The following SCHIP1 variants were observed in gnomAD, a reference collection of about 807,000 sequenced individuals.
The protein encoded by SCHIP1 is schwannomin interacting protein 1.
A neutral mutation model predicts 29.7 loss-of-function variants in SCHIP1; 8 were observed. That is an observed-to-expected ratio of 0.27 (90% CI 0.16 to 0.49). The LOEUF (loss-of-function observed/expected upper bound fraction) is 0.49, where lower values mean the gene tolerates loss of function less well. Ranked by LOEUF, SCHIP1 falls within the 20% of genes least tolerant of loss-of-function variation. The probability of loss-of-function intolerance (pLI) is 0.99; values close to 1 mark genes in which losing one functional copy is unlikely to be tolerated. For synonymous variants in SCHIP1, 76 were observed against 94.9 expected (o/e 0.80, Z 1.16); for missense variants, 193 against 294.6 (o/e 0.66, Z 2.52).
chr3:159,689,418 G>A, the SCHIP1 span, among the ~76,000 whole-genome samples: 1 of 152,158 alleles, frequency 6.6e-6, no homozygotes, highest in Non-Finnish European at 1.5e-5. Context: ...TGATGTATAG[G>A]AATGCTTGTG....
At chr3:159,507,630 A>ATGG in the SCHIP1 span, among the ~76,000 whole-genome samples, 2 of 152,178 alleles carry the variant, frequency 1.3e-5, no homozygotes, top group African/African-American at 4.8e-5. Flanking sequence ...TATTATTTTG[A>ATGG]GATACATCCC....
chr3:159,425,763 C>A, the SCHIP1 span, among the ~76,000 whole-genome samples: 21 of 152,194 alleles, frequency 1.4e-4, 1 homozygote, highest in Admixed American at 1.1e-3. Flanking sequence ...CACACCACAC[C>A]TATTCCAAAA....
chr3:159,523,834 A>G, the SCHIP1 span, among the ~76,000 whole-genome samples: 1 of 152,226 alleles, frequency 6.6e-6, no homozygotes, highest in African/African-American at 2.4e-5. Context: ...ACACAATGTA[A>G]CACACACTCC....
the SCHIP1 span, among the ~76,000 whole-genome samples, chr3:159,513,068 T>A: frequency 1.3e-5 from 2 of 152,254 alleles, no homozygotes; most frequent in East Asian, 3.8e-4. Context: ...TTCAGAATCA[T>A]ACAATAAGGT....
At chr3:159,777,738 G>A in the SCHIP1 span, among the ~76,000 whole-genome samples, 1 of 152,270 alleles carries the variant, frequency 6.6e-6, no homozygotes, top group Admixed American at 6.5e-5. Flanking sequence ...CCAAGGTGTG[G>A]TGGTGAGTCT....
At chr3:159,771,288 A>T in the SCHIP1 span, among the ~76,000 whole-genome samples, 1 of 152,254 alleles carries the variant, frequency 6.6e-6, no homozygotes, top group African/African-American at 2.4e-5. Flanking sequence ...CTATGTTTAA[A>T]TTACACAAGT....
chr3:159,620,891 C>G, the SCHIP1 span, among the ~76,000 whole-genome samples: 1 of 152,238 alleles, frequency 6.6e-6, no homozygotes, highest in South Asian at 2.1e-4. Flanking sequence ...CTTCTCATGG[C>G]ATCCCTTAAA....
the SCHIP1 span, among the ~76,000 whole-genome samples, chr3:159,400,378 T>C: frequency 6.6e-6 from 1 of 152,330 alleles, no homozygotes; most frequent in East Asian, 1.9e-4. Flanking sequence ...AACAGAGTGA[T>C]GTATTGAATA....
the SCHIP1 span, among the ~76,000 whole-genome samples, chr3:159,430,986 A>G: frequency 6.6e-6 from 1 of 152,214 alleles, no homozygotes; most frequent in African/African-American, 2.4e-5. Context: ...GTTGAAGCCA[A>G]CATGTCCAAG....
chr3:159,306,643 G>A, the SCHIP1 span: 34 of 678,364 alleles, frequency 5.0e-5, no homozygotes, highest in Non-Finnish European at 5.6e-5. Context: ...TTCTAATAAT[G>A]TTTTAAGGAT....
At chr3:159,360,946 TCTATCCTC>T in the SCHIP1 span, among the ~76,000 whole-genome samples, 1 of 152,218 alleles carries the variant, frequency 6.6e-6, no homozygotes. Flanking sequence ...TATGGATTTC[TCTATCCTC>T]CTCAGACAAT....
At chr3:159,292,544 G>A in the SCHIP1 span, among the ~76,000 whole-genome samples, 4 of 152,096 alleles carry the variant, frequency 2.6e-5, no homozygotes, top group African/African-American at 9.7e-5. Flanking sequence ...AAGAAAGGGA[G>A]CAATTACTTT....
At chr3:159,814,086 A>C in the SCHIP1 span, among the ~76,000 whole-genome samples, 1 of 152,156 alleles carries the variant, frequency 6.6e-6, no homozygotes, top group Admixed American at 6.5e-5. Flanking sequence ...GGCAGCTGAC[A>C]GTGCTCAGCT....
At chr3:159,778,551 C>T in the SCHIP1 span, among the ~76,000 whole-genome samples, 1 of 152,068 alleles carries the variant, frequency 6.6e-6, no homozygotes, top group African/African-American at 2.4e-5. Flanking sequence ...AAAGGGTATA[C>T]TAAAACTATT....
chr3:159,764,717 G>T, the SCHIP1 span: 1 of 1,575,982 alleles, frequency 6.3e-7, no homozygotes, highest in Admixed American at 1.8e-5. The surrounding 1 kb of genome is among the most constrained non-coding windows in gnomAD (Gnocchi z 6.1). Flanking sequence ...CGAGGGTACC[G>T]GGATGACCGC....
the SCHIP1 span, among the ~76,000 whole-genome samples, chr3:159,750,595 A>C: frequency 1.3e-5 from 2 of 152,068 alleles, no homozygotes; most frequent in African/African-American, 2.4e-5. Flanking sequence ...CCTTGGCCTG[A>C]TGAAAATAGA....
the SCHIP1 span, among the ~76,000 whole-genome samples, chr3:159,720,089 G>T: frequency 1.2e-3 from 186 of 152,214 alleles, no homozygotes; most frequent in African/African-American, 4.4e-3. Context: ...GGACATTGAC[G>T]AAGCTGGAAA....
the SCHIP1 span, among the ~76,000 whole-genome samples, chr3:159,338,354 C>T: frequency 2.6e-5 from 4 of 152,186 alleles, no homozygotes; most frequent in East Asian, 7.7e-4. Flanking sequence ...AATTGTGTTG[C>T]CGGCAGAGGA....
At chr3:159,618,056 T>C in the SCHIP1 span, among the ~76,000 whole-genome samples, 1 of 152,214 alleles carries the variant, frequency 6.6e-6, no homozygotes, top group African/African-American at 2.4e-5. Flanking sequence ...GAACTCAGAA[T>C]GTTCACTGGG....
Sources: gnomAD v4.1 joint callset for allele counts (sites outside exome capture counted in the v4.1 genomes callset) on GRCh38, gnomAD v4.1.1 for gene constraint, Gnocchi (gnomAD v3.1) non-coding constraint, MANE v1.5 for transcripts, NCBI Gene and HGNC (gene_info 2026-07-23, HGNC 2026-07-21) for gene names.